The following RPS6KL1 variants were observed in gnomAD, a reference collection of about 807,000 sequenced individuals.
RPS6KL1 encodes ribosomal protein S6 kinase-like 1.
RPS6KL1 carries 41 observed loss-of-function variants against 57.0 expected under a neutral mutation model. That is an observed-to-expected ratio of 0.72 (90% CI 0.56 to 0.93). The LOEUF is 0.93. Ranked by LOEUF, RPS6KL1 falls within the 40% of genes least tolerant of loss-of-function variation. The probability of loss-of-function intolerance (pLI) is 0.00; values close to 1 mark genes in which losing one functional copy is unlikely to be tolerated. For missense variants in RPS6KL1, 697 were observed against 727.7 expected (o/e 0.96, Z 0.49); for synonymous variants, 287 against 309.7 (o/e 0.93, Z 0.77).
rs1884818012 is a variant in RPS6KL1, at chr14:74,906,394, G to A, written c.*620C>T. 3.1e-6 allele frequency: 1 copy of A among 323,824 alleles called. No individual in the cohort carries two copies. The highest frequency in any genetic ancestry group is 2.1e-5 in the South Asian group (1 of 47,564). 20.1% of individuals were successfully genotyped at this position (323,824 alleles called of 1,614,324 possible). On this transcript the variant is annotated 3_prime_UTR_variant, in exon 12 of 12. Transcript: ENST00000557413. ...CTGAAATCACAAGATAGGGGGCATG[G>A]TCAGGAATCGGGGGTGGGGGGGTGG...
intron 7 of RPS6KL1, 190 bp downstream of exon 7, chr14:74,911,058 G>GGTTTC (rs1885867727): frequency 1.9e-5 from 10 of 533,272 alleles, no homozygotes; most frequent in Non-Finnish European, 3.4e-5. Context: ...TTTTAGTAGA[G>GGTTTC]ACAGGGTTTC....
Position 74,906,904 on chromosome 14 carries a change from A to G in RPS6KL1, c.*110T>C, listed in dbSNP as rs1884977357. 1 of 876,550 alleles carries G rather than the reference A, an allele frequency of 1.1e-6. No homozygotes were observed. Among genetic ancestry groups the G allele is most frequent in the African/African-American group, 1.7e-5 (1 of 59,596 alleles). The allele number at this position is 876,550 out of a possible 1,614,324, so 54.3% of individuals were successfully genotyped here. A position where few individuals can be genotyped will look rare whatever the true frequency, so the allele number is the denominator to read the frequency against. On this transcript the variant is annotated 3_prime_UTR_variant, in exon 12 of 12. Transcript: ENST00000557413. ...CCCAGCAGGACAGACAGTGCCCTCC[A>G]TTCCTCGCCCAAAGCCCGCTGATAG...
Position 74,907,490 on chromosome 14 carries a change from G to A in RPS6KL1, c.1484C>T (p.Thr495Ile). ...QSHPSGIQAHTQLQLPEWLSR... is the reference protein window; with the variant it reads ...QSHPSGIQAHIQLQLPEWLSR... Reference sequence around the variant, plus strand: ...GAGCCACTCGGGCAGCTGGAGCTGGGTGTGGGCCTGGATTCCTGAAGGGTG... The same window carrying A: ...GAGCCACTCGGGCAGCTGGAGCTGGATGTGGGCCTGGATTCCTGAAGGGTG... The change falls in exon 11 of 12, where the codon ACC becomes ATC. Residue 495 changes from threonine to isoleucine, a missense_variant. Physicochemically the swap from Thr to Ile is moderately conservative, Grantham distance 89. Transcript: ENST00000557413. 1 of 1,586,910 alleles carries A rather than the reference G, an allele frequency of 6.3e-7. No homozygotes were observed.
At chr14:74,918,418 A>C (rs1887223853) in intron 5 of RPS6KL1, 95 bp downstream of exon 5, 1 of 909,904 alleles carries the variant, frequency 1.1e-6, no homozygotes, top group South Asian at 1.8e-5. Flanking sequence ...CCACTGCTAC[A>C]GACCTGCTTT....
At chr14:74,913,165 C>T (rs956743116) in intron 5 of RPS6KL1, among the ~76,000 whole-genome samples, 4 of 152,204 alleles carry the variant, frequency 2.6e-5, no homozygotes, top group Admixed American at 6.5e-5. Flanking sequence ...CACTGGGCTT[C>T]GATCCTGGGC....
Position 74,906,780 on chromosome 14 carries a change from G to C in RPS6KL1, c.*234C>G. ...GTTGACTGATGGGTAGATGGTTCAA[G>C]CTGCTTAGCAGGGCAAGCCTTGACT... On this transcript the variant is annotated 3_prime_UTR_variant, in exon 12 of 12. Coordinates refer to ENST00000557413, the MANE Select transcript of RPS6KL1 (RefSeq NM_031464.5). 1.5e-6 allele frequency: 1 copy of C among 680,730 alleles called. No homozygotes were observed. Among genetic ancestry groups the C allele is most frequent in the Non-Finnish European group, 2.7e-6 (1 of 365,626 alleles). The allele number at this position is 680,730 out of a possible 1,614,324, so 42.2% of individuals were successfully genotyped here. A position where few individuals can be genotyped will look rare whatever the true frequency, so the allele number is the denominator to read the frequency against.
At chr14:74,910,300 C>T (rs1272676726) in intron 7 of RPS6KL1, 152 bp from the exon 8 acceptor site, 1 of 799,026 alleles carries the variant, frequency 1.3e-6, no homozygotes, top group South Asian at 2.6e-5. Flanking sequence ...CACCTCTGCT[C>T]CCTCCCACCC....
In RPS6KL1 at chr14:74,906,149, A is replaced by C; in HGVS notation, c.*865T>G. ...GGTAAACAGCCAGGGCCTGAGAGGG[A>C]GTCCTGATGGGCACACCTTGTCTAA... On this transcript the variant is annotated 3_prime_UTR_variant, in exon 12 of 12. Transcript: ENST00000557413. The C allele has an allele frequency of 4.8e-6, 1 of 209,802 alleles. No individual in the cohort carries two copies. The highest frequency in any genetic ancestry group is 2.3e-5 in the African/African-American group (1 of 44,274). 13.0% of individuals were successfully genotyped at this position (209,802 alleles called of 1,614,324 possible). A position where few individuals can be genotyped will look rare whatever the true frequency, so the allele number is the denominator to read the frequency against.
intron 6 of RPS6KL1, 32 bp from the exon 7 acceptor site, chr14:74,911,412 GGACAGGCCAGA>G (rs776756238): frequency 1.9e-6 from 3 of 1,591,190 alleles, no homozygotes; most frequent in Non-Finnish European, 2.6e-6. Context: ...GATCAGCCGG[GGACAGGCCAGA>G]GACTGCTGCT....
intron 5 of RPS6KL1, among the ~76,000 whole-genome samples, chr14:74,913,960 C>G (rs1886446114): frequency 6.6e-6 from 1 of 152,224 alleles, no homozygotes; most frequent in Admixed American, 6.5e-5. Flanking sequence ...TACTGTCCCA[C>G]TGCTAAAAAG....
intron 5 of RPS6KL1, among the ~76,000 whole-genome samples, chr14:74,915,133 G>A (rs1886630762): frequency 6.6e-6 from 1 of 152,240 alleles, no homozygotes; most frequent in African/African-American, 2.4e-5. Context: ...CAATATGGAA[G>A]CCAGTAGCCA....
In RPS6KL1 at chr14:74,906,403, C is replaced by CGGGGGTGG. The variant is rs1555375161; in HGVS notation, c.*603_*610dup. The CGGGGGTGG allele has an allele frequency of 1.4e-5, 3 of 210,532 alleles. No homozygotes were observed. Among genetic ancestry groups the CGGGGGTGG allele is most frequent in the Non-Finnish European group, 2.8e-5 (3 of 108,080 alleles). 13.0% of individuals were successfully genotyped at this position (210,532 alleles called of 1,614,324 possible). ...CAAGATAGGGGGCATGGTCAGGAAT[C>CGGGGGTGG]GGGGGTGGGGGGGTGGGGGTGGGGG... On this transcript the variant is annotated 3_prime_UTR_variant, in exon 12 of 12. Coordinates refer to ENST00000557413, the MANE Select transcript of RPS6KL1 (RefSeq NM_031464.5).
chr14:74,920,403 C>A (rs1887636126), intron 3 of RPS6KL1, among the ~76,000 whole-genome samples: 1 of 152,198 alleles, frequency 6.6e-6, no homozygotes, highest in Non-Finnish European at 1.5e-5. Context: ...AAGGAATTTG[C>A]TGGACAGACT....
rs902647035 is a variant in RPS6KL1 at position 74,904,227 on chromosome 14, T to C, written c.*2787A>G. 2.0e-5 allele frequency: 3 copies of C among 152,202 alleles called. No individual in the cohort carries two copies. Among genetic ancestry groups the C allele is most frequent in the African/African-American group, 7.2e-5 (3 of 41,442 alleles). The allele number at this position is 152,202 out of a possible 1,614,324, so 9.4% of individuals were successfully genotyped here. On this transcript the variant is annotated 3_prime_UTR_variant, in exon 12 of 12. Coordinates refer to ENST00000557413, the MANE Select transcript of RPS6KL1 (RefSeq NM_031464.5). ...GATTGGCAATTGGTTGAAAGAGTTA[T>C]TATCTAAAGACCTGGAATCAATAGA...
At chr14:74,920,670 T>G (rs1887686659) in intron 3 of RPS6KL1, among the ~76,000 whole-genome samples, 1 of 152,302 alleles carries the variant, frequency 6.6e-6, no homozygotes, top group East Asian at 1.9e-4. Context: ...AGATTAGAGA[T>G]CTAACATCTA....
At chr14:74,921,779 T>C in intron 2 of RPS6KL1, 199 bp downstream of exon 2, 1 of 926,532 alleles carries the variant, frequency 1.1e-6, no homozygotes, top group Non-Finnish European at 1.4e-6. Context: ...TTTCTTTTCT[T>C]TTTTTTTTTT....
At chr14:74,914,267 A>G (rs1372706819) in intron 5 of RPS6KL1, among the ~76,000 whole-genome samples, 1 of 152,244 alleles carries the variant, frequency 6.6e-6, no homozygotes, top group East Asian at 1.9e-4. Context: ...GCAAGGAAGA[A>G]AACTCTGGAG....
Position 74,922,272 on chromosome 14 carries a change from T to A in RPS6KL1, c.-315A>T. The A allele has an allele frequency of 1.0e-6, 1 of 986,038 alleles. No homozygotes were observed. Among genetic ancestry groups the A allele is most frequent in the Non-Finnish European group, 1.2e-6 (1 of 830,372 alleles). The allele number at this position is 986,038 out of a possible 1,614,324, so 61.1% of individuals were successfully genotyped here. ...CCACACACGCTGGGCTCAAATGCTG[T>A]TCCTCATGCTGTTCCCTCCACCCTG... On this transcript the variant is annotated 5_prime_UTR_variant, in exon 2 of 12. Transcript: ENST00000557413.
chr14:74,921,644 G>A lies in RPS6KL1; in HGVS notation c.-20-83C>T, dbSNP rs140547683. ...CCCCAGTTTCCTCCACTGAATGTCA[G>A]GGAGACTCATATTCACCTCCAAAGA... On this transcript the variant is annotated intron_variant, in intron 2 of 11. Coordinates refer to ENST00000557413, the MANE Select transcript of RPS6KL1 (RefSeq NM_031464.5). The A allele has an allele frequency of 1.2e-5, 18 of 1,490,676 alleles. No homozygotes were observed. In the East Asian group the frequency reaches 4.2e-4, roughly 35 times the overall value. 92.3% of individuals were successfully genotyped at this position (1,490,676 alleles called of 1,614,324 possible).
Sources: allele counts gnomAD v4.1 joint callset (sites outside exome capture counted in the v4.1 genomes callset), GRCh38; gene constraint gnomAD v4.1.1; transcripts MANE v1.5; gene names NCBI Gene and HGNC (gene_info 2026-07-23, HGNC 2026-07-21).